CFAP65: variants seen among roughly 807,000 people sequenced by gnomAD.
CFAP65 encodes the protein cilia- and flagella-associated protein 65.
Under a neutral mutation model 208.0 loss-of-function variants are expected in CFAP65, and 155 were observed. The observed-to-expected ratio is 0.75, with a 90% confidence interval of 0.65 to 0.85. The LOEUF (loss-of-function observed/expected upper bound fraction) is 0.85. CFAP65 is among the 40% of genes least tolerant of loss of function. The pLI, the probability that CFAP65 is intolerant of heterozygous loss-of-function variation, is 0.00. For synonymous variants in CFAP65, 970 were observed against 986.3 expected (o/e 0.98, Z 0.31); for missense variants, 2,294 against 2,451.3 (o/e 0.94, Z 1.36).
rs144604393 is a variant in CFAP65 at position 219,021,831 on chromosome 2, G to A, written c.3079C>T (p.Arg1027Cys). 1.6e-4 allele frequency: 258 copies of A among 1,613,774 alleles called. No homozygotes were observed. The highest frequency in any genetic ancestry group is 1.2e-3 in the African/African-American group (88 of 75,038). ...GGGCTGCCCTGCTCCAGGTAGAGGC[G>A]GTAATAGAGGGTGCAGTTGCCGTCA... ...LNDGNCTLYY[R>C]LYLEQGSPEA... is the part of the protein sequence containing the mutation. The change falls in exon 18 of 35, where the codon CGC becomes TGC. Residue 1027 changes from arginine to cysteine, a missense_variant. Around this residue, in one of 2 missense-constraint regions of CFAP65, gnomAD observed 1,427 missense variants for 1,438.7 expected, o/e 0.99. Coordinates refer to ENST00000341552, the MANE Select transcript of CFAP65 (RefSeq NM_194302.4).
chr2:219,006,764 G>A (rs958320505), intron 29 of CFAP65, among the ~76,000 whole-genome samples: 1 of 151,556 alleles, frequency 6.6e-6, no homozygotes, highest in Non-Finnish European at 1.5e-5. Flanking sequence ...AACCTAGGAG[G>A]TGGAGGTTGC....
rs745685390 is a variant in CFAP65, at chr2:219,035,299, C to G, written c.542+181G>C. On this transcript the variant is annotated intron_variant, in intron 5 of 34. Transcript: ENST00000341552. ...ACAGGCACACATTGGGACACTATAC[C>G]ACAATGAAAAATAATGGATTATAGC... 6 of 1,520,184 alleles carry G rather than the reference C, an allele frequency of 3.9e-6. No homozygotes were observed. In the African/African-American group the frequency reaches 8.4e-5, roughly 21 times the overall value. The allele number at this position is 1,520,184 out of a possible 1,614,324, so 94.2% of individuals were successfully genotyped here.
At chr2:219,033,098 A>G (rs537010288) in intron 5 of CFAP65, among the ~76,000 whole-genome samples, 1 of 152,352 alleles carries the variant, frequency 6.6e-6, no homozygotes, top group African/African-American at 2.4e-5. Flanking sequence ...ATAATTTACC[A>G]AAACTGACCC....
chr2:219,027,020 T>A, intron 13 of CFAP65: 2 of 996,646 alleles, frequency 2.0e-6, no homozygotes, highest in Non-Finnish European at 1.2e-6. Context: ...GTGACCCTGA[T>A]CTTGACCGCA....
rs145379636 is a variant in CFAP65, at chr2:219,010,599, T to C, written c.4255A>G (p.Ile1419Val). ...ATGGAACTGTTGTCCCACGAGGAGA[T>C]GTTGTGGAATGGGGCTGTGTCCCCC... ...MMGDTAPFHN[I>V]SSWDNSSIHS... Residue 1419 changes from isoleucine to valine, a missense_variant, in exon 26 of 35, where the codon ATC becomes GTC. Ile to Val is a conservative substitution (Grantham distance 29). Transcript: ENST00000341552. 272 of 1,611,506 alleles carry C rather than the reference T, an allele frequency of 1.7e-4. No individual in the cohort carries two copies. Among genetic ancestry groups the C allele is most frequent in the Non-Finnish European group, 2.1e-4 (251 of 1,179,614 alleles).
At position 219,003,064 on chromosome 2, in the gene CFAP65, C is replaced by G; in HGVS notation, c.5694-43G>C. The G allele has an allele frequency of 6.4e-7, 1 of 1,550,596 alleles. No homozygotes were observed. Among genetic ancestry groups the G allele is most frequent in the Non-Finnish European group, 8.7e-7 (1 of 1,146,526 alleles). Reference sequence around the variant, plus strand: ...CCAGGTAGGCGTGGGGGCGAGGCTTCGGGCAGAGCCTGGCTGCCCCCGTGG... The same window carrying G: ...CCAGGTAGGCGTGGGGGCGAGGCTTGGGGCAGAGCCTGGCTGCCCCCGTGG... On this transcript the variant is annotated intron_variant, in intron 34 of 34. Coordinates refer to ENST00000341552, the MANE Select transcript of CFAP65 (RefSeq NM_194302.4). The surrounding 1 kb of genome is among the most constrained non-coding windows in gnomAD (Gnocchi z 4.4).
rs981613820 is a variant in CFAP65 at position 219,040,004 on chromosome 2, T to C, written c.-3+515A>G. On this transcript the variant is annotated intron_variant, in intron 2 of 34. Coordinates refer to ENST00000341552, the MANE Select transcript of CFAP65 (RefSeq NM_194302.4). ...GTGCCAGGCAGTGTTGTAAAGTCCTTAGAGGGATTTTATTTATTTATTTAT... is the reference window on the plus strand; with the variant it reads ...GTGCCAGGCAGTGTTGTAAAGTCCTCAGAGGGATTTTATTTATTTATTTAT... Among the ~76,000 whole-genome samples, 3 of 145,814 alleles carry C rather than the reference T, an allele frequency of 2.1e-5. No homozygotes were observed. In the South Asian group the frequency reaches 6.8e-4, roughly 33 times the overall value.
At position 219,022,335 on chromosome 2, in the gene CFAP65, G is replaced by A; in HGVS notation, c.2821-6C>T. 2 of 1,591,884 alleles carry A rather than the reference G, an allele frequency of 1.3e-6. No individual in the cohort carries two copies. Among genetic ancestry groups the A allele is most frequent in the Non-Finnish European group, 1.7e-6 (2 of 1,169,192 alleles). On this transcript the variant is annotated splice_polypyrimidine_tract_variant and splice_region_variant and intron_variant, in intron 16 of 34. Transcript: ENST00000341552. Reference sequence around the variant, plus strand: ...CTGAAGGTCCACGTCAGCGTCTGGGGTCACAGAAATGATCCCTGCAGTGGC... The same window carrying A: ...CTGAAGGTCCACGTCAGCGTCTGGGATCACAGAAATGATCCCTGCAGTGGC...
intron 26 of CFAP65, 96 bp downstream of exon 26, chr2:219,010,450 A>T (rs1446309140): frequency 2.3e-6 from 3 of 1,327,588 alleles, no homozygotes; most frequent in Non-Finnish European, 3.1e-6. Context: ...ACTACATCTC[A>T]TGTCCCTCCC....
Position 219,003,634 on chromosome 2 carries a change from C to T in CFAP65, c.5555+318G>A, listed in dbSNP as rs73993386. On this transcript the variant is annotated intron_variant, in intron 33 of 34. Coordinates refer to ENST00000341552, the MANE Select transcript of CFAP65 (RefSeq NM_194302.4). This position sits in a 1 kb window ranked among gnomAD's most constrained non-coding sequence, Gnocchi z 4.4. ...TAAATCATCTGTAGGGCAGCCCCGGCGGGAAGTCCCACCTGCAAGACAGGT... is the reference window on the plus strand; with the variant it reads ...TAAATCATCTGTAGGGCAGCCCCGGTGGGAAGTCCCACCTGCAAGACAGGT... 0.02 allele frequency among the ~76,000 whole-genome samples: 2,983 copies of T among 152,252 alleles called. 100 individuals are homozygous for T. The highest frequency in any genetic ancestry group is 0.068 in the African/African-American group (2,817 of 41,536).
In CFAP65 at chr2:219,006,147, AC is replaced by A; in HGVS notation, c.4795del (p.Val1599CysfsTer84). On this transcript the variant is annotated frameshift_variant, in exon 31 of 35. Coordinates refer to ENST00000341552, the MANE Select transcript of CFAP65 (RefSeq NM_194302.4). LOFTEE classifies it high-confidence loss of function. ...SWKLQTPKEEVSWPCPQPPSP... is the reference protein window; with the variant it reads ...SWKLQTPKEEXSWPCPQPPSP... ...GGGTGGCTGGGGGCAGGGCCAGGAC[AC>A]CTCCTCCTTTGGGGTCTGCAGTTTC... 6.2e-7 allele frequency: 1 copy of A among 1,613,258 alleles called. No homozygotes were observed. The highest frequency in any genetic ancestry group is 8.5e-7 in the Non-Finnish European group (1 of 1,179,846).
chr2:219,020,396 G>A (rs1292622708), intron 19 of CFAP65, among the ~76,000 whole-genome samples: 1 of 151,082 alleles, frequency 6.6e-6, no homozygotes, highest in Non-Finnish European at 1.5e-5. Flanking sequence ...TTTCATTTTT[G>A]AGATAGGGTC....
At position 219,031,911 on chromosome 2, in the gene CFAP65, GTTTCT is replaced by G. The variant is rs1311319958; in HGVS notation, c.646-258_646-254del. Among the ~76,000 whole-genome samples the G allele has an allele frequency of 2.0e-5, 3 of 149,514 alleles. No individual in the cohort carries two copies. Among genetic ancestry groups the G allele is most frequent in the African/African-American group, 5.0e-5 (2 of 39,850 alleles). ...GAAGAGGCCAAGGAATGTAGAAGGG[GTTTCT>G]TTTCTTTTCTTTTTTTTTTTTTTTT... On this transcript the variant is annotated intron_variant, in intron 6 of 34. Transcript: ENST00000341552. This position sits in a 1 kb window ranked among gnomAD's most constrained non-coding sequence, Gnocchi z 5.2.
At chr2:219,024,392 A>G in intron 14 of CFAP65, 132 bp from the exon 15 acceptor site, 1 of 1,045,108 alleles carries the variant, frequency 9.6e-7, no homozygotes. Flanking sequence ...AGCCCAGTCA[A>G]CGCCCTGGGA....
chr2:219,035,175 A>G, intron 5 of CFAP65: 1 of 692,254 alleles, frequency 1.4e-6, no homozygotes, highest in African/African-American at 1.8e-5. Context: ...CCCCAGAAAA[A>G]CTCTTGTACT....
chr2:219,023,205 A>C lies in CFAP65; in HGVS notation c.2820+2T>G. 6.2e-7 allele frequency: 1 copy of C among 1,610,642 alleles called. No individual in the cohort carries two copies. Among genetic ancestry groups the C allele is most frequent in the Non-Finnish European group, 8.5e-7 (1 of 1,179,230 alleles). On this transcript the variant is annotated splice_donor_variant, in intron 16 of 34. Transcript: ENST00000341552. LOFTEE classifies it high-confidence loss of function. ...TCACTCGGCAGGAGGGGAGCCACTC[A>C]CAAGTCTCTCGTTGGGCTGGATTAG... is the stretch of plus-strand genomic sequence containing the variant.
chr2:219,039,487 T>C (rs1948554290), intron 2 of CFAP65, among the ~76,000 whole-genome samples: 2 of 152,192 alleles, frequency 1.3e-5, no homozygotes, highest in Non-Finnish European at 2.9e-5. Flanking sequence ...CCTCAAATGG[T>C]TCATCTCTGA....
intron 29 of CFAP65, among the ~76,000 whole-genome samples, chr2:219,008,671 G>A (rs978031955): frequency 6.6e-6 from 1 of 152,158 alleles, no homozygotes; most frequent in Non-Finnish European, 1.5e-5. Context: ...CTTGAACCTG[G>A]GAGGTGGAGG....
Position 219,029,468 on chromosome 2 carries a change from A to G in CFAP65, c.1585T>C (p.Cys529Arg), listed in dbSNP as rs377254272. 2 of 1,614,000 alleles carry G rather than the reference A, an allele frequency of 1.2e-6. No homozygotes were observed. Among genetic ancestry groups the G allele is most frequent in the Non-Finnish European group, 8.5e-7 (1 of 1,180,002 alleles). ...ATGGGGTGAGTGGGCTGGAAGGCAC[A>G]GTGCAGGGTCATACGGGCCTTGCCC... ...LVGKARMTLH[C>R]AFQPTHPIIC... Residue 529 changes from cysteine to arginine, a missense_variant, in exon 11 of 35, where the codon TGT (cysteine) becomes CGT (arginine). Cys to Arg is a radical substitution (Grantham distance 180). Transcript: ENST00000341552.
Sources: allele counts gnomAD v4.1 joint callset (sites outside exome capture counted in the v4.1 genomes callset), GRCh38; gene constraint gnomAD v4.1.1; regional missense constraint gnomAD v4.1.1; non-coding constraint Gnocchi (gnomAD v3.1); transcripts MANE v1.5; gene names NCBI Gene and HGNC (gene_info 2026-07-23, HGNC 2026-07-21).